The following TUBGCP6 variants were observed in gnomAD, a reference collection of about 807,000 sequenced individuals.
The protein encoded by TUBGCP6 is tubulin gamma complex component 6.
A neutral mutation model predicts 175.8 loss-of-function variants in TUBGCP6; 161 were observed. The observed-to-expected ratio is 0.92, with a 90% CI of 0.81 to 1.04. The LOEUF (loss-of-function observed/expected upper bound fraction) is 1.04, where lower values mean the gene tolerates loss of function less well. Among genes scored for constraint, TUBGCP6 ranks in the 50% least tolerant of loss-of-function variants. TUBGCP6 has a pLI of 0.00. For missense variants in TUBGCP6, 2,572 were observed against 2,433.0 expected, an observed-to-expected ratio of 1.06 and a Z score of -1.20; for synonymous variants, 1,173 against 1,030.5, an observed-to-expected ratio of 1.14 and a Z score of -2.65.
chr22:50,218,186 C>CT lies in TUBGCP6; in HGVS notation c.5168+2_5168+3insA. ...AGGGACGCAGCCGCTGCCCAGGCCT[C>CT]ACCTGAAGACGGCCTTGTGCAGGTA... On this transcript the variant is annotated splice_region_variant and intron_variant, in intron 23 of 24. Transcript: ENST00000248846. The CT allele has an allele frequency of 1.2e-6, 2 of 1,611,500 alleles. No individual in the cohort carries two copies. The highest frequency in any genetic ancestry group is 8.5e-7 in the Non-Finnish European group (1 of 1,179,580).
chr22:50,227,808 G>A (rs2064634798), intron 5 of TUBGCP6, 99 bp downstream of exon 5: 1 of 1,478,906 alleles, frequency 6.8e-7, no homozygotes, highest in Non-Finnish European at 9.1e-7. Flanking sequence ...TGTTCTCACA[G>A]GCCCTCCTTG....
intron 2 of TUBGCP6, among the ~76,000 whole-genome samples, chr22:50,234,686 C>CAG: frequency 6.9e-6 from 1 of 145,090 alleles, no homozygotes; most frequent in African/African-American, 2.6e-5. Context: ...AGCATCTACA[C>CAG]CCAGGTCCAC....
chr22:50,226,399 G>C (rs369221133), intron 7 of TUBGCP6, 21 bp from the exon 8 acceptor site: 2 of 1,582,822 alleles, frequency 1.3e-6, no homozygotes, highest in Non-Finnish European at 1.7e-6. Context: ...GGAAAAGCAG[G>C]GGTAGATGTG....
rs751897821 is a variant in TUBGCP6 at position 50,221,270 on chromosome 22, G to A, written c.3089C>T (p.Ser1030Leu). ...QPTERLFGQV[S>L]GGGLPTGDYA... ...GTCCCCTGTGGGAAGACCACCCCCT[G>A]ACACCTGCCCAAAGAGCCGCTCTGT... is the stretch of plus-strand genomic sequence containing the variant. Residue 1030 changes from serine to leucine, a missense_variant, in exon 16 of 25, where the codon TCA becomes TTA. Transcript: ENST00000248846. 2.9e-5 allele frequency: 47 copies of A among 1,614,016 alleles called. No individual in the cohort carries two copies. Among genetic ancestry groups the A allele is most frequent in the East Asian group, 1.3e-4 (6 of 44,886 alleles).
intron 2 of TUBGCP6, among the ~76,000 whole-genome samples, chr22:50,238,853 C>CT (rs2064807979): frequency 6.6e-6 from 1 of 152,208 alleles, no homozygotes. Flanking sequence ...ATGAGATTTG[C>CT]TTTGACTGAT....
chr22:50,221,457 C>T lies in TUBGCP6; in HGVS notation c.2902G>A (p.Gly968Arg). The T allele has an allele frequency of 6.3e-7, 1 of 1,594,626 alleles. No homozygotes were observed. Among genetic ancestry groups the T allele is most frequent in the East Asian group, 2.3e-5 (1 of 43,996 alleles). ...CTGCACTCTGCAGCCTGCAGGGGCC[C>T]TGGTGCAGGTGAGGTGGCCACAGCT... The part of the protein sequence containing the change: ...RPAVATSPAP[G>R]PLQAAECSLG... Residue 968 changes from glycine (G) to arginine (R), a missense_variant, in exon 16 of 25, where the codon GGG (glycine) becomes AGG (arginine). Physicochemically the swap from Gly to Arg is moderately radical, Grantham distance 125. Coordinates refer to ENST00000248846, the MANE Select transcript of TUBGCP6 (RefSeq NM_020461.4).
chr22:50,219,876 G>A, intron 17 of TUBGCP6, 81 bp downstream of exon 17: 1 of 1,603,878 alleles, frequency 6.2e-7, no homozygotes, highest in Non-Finnish European at 8.5e-7. Context: ...AAAATCGCAT[G>A]TGGGACCCAC....
intron 3 of TUBGCP6, among the ~76,000 whole-genome samples, chr22:50,232,673 G>A (rs1465652953): frequency 6.6e-6 from 1 of 152,264 alleles, no homozygotes; most frequent in East Asian, 1.9e-4. Context: ...GCAGCAGCTG[G>A]AGCTTGCTGG....
At chr22:50,227,790 C>T (rs1034591077) in intron 5 of TUBGCP6, 117 bp downstream of exon 5, 14 of 1,421,970 alleles carry the variant, frequency 9.8e-6, no homozygotes, top group Middle Eastern at 2.5e-4. Context: ...CGGTCGCCTG[C>T]TGAGGGCTGT....
At position 50,224,270 on chromosome 22, in the gene TUBGCP6, A is replaced by G; in HGVS notation, c.2155-14T>C. Reference sequence around the variant, plus strand: ...CGCCTGGCGTCGCTATAAAACACATAGAGCCTGGCCTGTGAAATCAGAACT... The same window carrying G: ...CGCCTGGCGTCGCTATAAAACACATGGAGCCTGGCCTGTGAAATCAGAACT... On this transcript the variant is annotated splice_polypyrimidine_tract_variant and intron_variant, in intron 12 of 24. Coordinates refer to ENST00000248846, the MANE Select transcript of TUBGCP6 (RefSeq NM_020461.4). 1 of 1,614,200 alleles carries G rather than the reference A, an allele frequency of 6.2e-7. No individual in the cohort carries two copies. The highest frequency in any genetic ancestry group is 8.5e-7 in the Non-Finnish European group (1 of 1,180,040).
chr22:50,235,212 C>T (rs1414841879), intron 2 of TUBGCP6, among the ~76,000 whole-genome samples: 6 of 152,132 alleles, frequency 3.9e-5, no homozygotes, highest in South Asian at 2.1e-4. Context: ...TCCCTGTCCA[C>T]GGCAGCATCA....
Position 50,217,990 on chromosome 22 carries a change from C to G in TUBGCP6, c.5296G>C (p.Glu1766Gln), listed in dbSNP as rs748989083. The change falls in exon 24 of 25, where the codon GAG (glutamate) becomes CAG (glutamine). Residue 1766 changes from glutamate (E) to glutamine (Q), a missense_variant. Transcript: ENST00000248846. ...WGPPGGPRGA[E>Q]HPNFALMQQS... ...TGCATGAGTGCAAAGTTGGGGTGCT[C>G]TGCACCCCGCGGGCCCCCAGGGGGC... 1 of 1,611,434 alleles carries G rather than the reference C, an allele frequency of 6.2e-7. No homozygotes were observed. Among genetic ancestry groups the G allele is most frequent in the African/African-American group, 1.3e-5 (1 of 74,854 alleles).
intron 21 of TUBGCP6, 24 bp downstream of exon 21, chr22:50,218,679 C>T: frequency 6.2e-6 from 10 of 1,613,414 alleles, no homozygotes; most frequent in Non-Finnish European, 8.5e-6. Context: ...TGTCCCATCC[C>T]CCGCGGCCAG....
Position 50,218,484 on chromosome 22 carries a change from T to A in TUBGCP6, c.4954+4A>T. 6.2e-7 allele frequency: 1 copy of A among 1,613,380 alleles called. No homozygotes were observed. Among genetic ancestry groups the A allele is most frequent in the Non-Finnish European group, 8.5e-7 (1 of 1,179,926 alleles). ...CGGGGCGCCGGGCTCCAGCGGGGCC[T>A]CACCTGTGCGCTTGAGGTGGAAGCA... On this transcript the variant is annotated splice_donor_region_variant and intron_variant, in intron 22 of 24. Coordinates refer to ENST00000248846, the MANE Select transcript of TUBGCP6 (RefSeq NM_020461.4).
At position 50,243,985 on chromosome 22, in the gene TUBGCP6, C is replaced by G; in HGVS notation, c.475G>C (p.Asp159His). 1 of 1,614,176 alleles carries G rather than the reference C, an allele frequency of 6.2e-7. No homozygotes were observed. Among genetic ancestry groups the G allele is most frequent in the South Asian group, 1.1e-5 (1 of 91,086 alleles). ...DCDDLSVFEM[D>H]VQSLISREEC... is the part of the protein sequence containing the mutation. Reference sequence around the variant, plus strand: ...TCTCTGGAGATCAGAGACTGAACGTCCATCTCAAACACACTCAGGTCGTCG... The same window carrying G: ...TCTCTGGAGATCAGAGACTGAACGTGCATCTCAAACACACTCAGGTCGTCG... Residue 159 changes from aspartate (D) to histidine (H), a missense_variant, in exon 1 of 25, where the codon GAC (aspartate) becomes CAC (histidine). Coordinates refer to ENST00000248846, the MANE Select transcript of TUBGCP6 (RefSeq NM_020461.4).
Position 50,218,866 on chromosome 22 carries a change from A to G in TUBGCP6, c.4658T>C (p.Leu1553Pro). ...CACAGAGTTCAGCACCAGCGGGTTG[A>G]GCAGCTCTCCGGGCGTTTGCCCAGC... ...LGAGQTPGELLNPLVLNSVLS... is the reference protein window; with the variant it reads ...LGAGQTPGELPNPLVLNSVLS... The change falls in exon 21 of 25, where the codon CTC becomes CCC. Residue 1553 changes from leucine (L) to proline (P), a missense_variant. By Grantham distance (98) the Leu-to-Pro change is moderately conservative (BLOSUM62 -3). Transcript: ENST00000248846. The G allele has an allele frequency of 6.2e-7, 1 of 1,613,446 alleles. No homozygotes were observed. Among genetic ancestry groups the G allele is most frequent in the Non-Finnish European group, 8.5e-7 (1 of 1,179,672 alleles).
At position 50,226,306 on chromosome 22, in the gene TUBGCP6, G is replaced by C. The variant is rs199698450; in HGVS notation, c.1674C>G (p.His558Gln). Residue 558 changes from histidine to glutamine, a missense_variant, in exon 8 of 25, where the codon CAC (histidine) becomes CAG (glutamine). By Grantham distance (24) the His-to-Gln change is conservative. Transcript: ENST00000248846. ...AYGEFMIQVNHEYLSFRDKLY... is the reference protein window; with the variant it reads ...AYGEFMIQVNQEYLSFRDKLY... Reference sequence around the variant, plus strand: ...ACCTACCTCGGAAGCTGAGGTACTCGTGGTTCACCTGAATCATGAACTCGC... The same window carrying C: ...ACCTACCTCGGAAGCTGAGGTACTCCTGGTTCACCTGAATCATGAACTCGC... 1.9e-6 allele frequency: 3 copies of C among 1,613,914 alleles called. No homozygotes were observed. In the South Asian group the frequency reaches 3.3e-5, roughly 18 times the overall value.
chr22:50,236,169 T>C (rs2064776567), intron 2 of TUBGCP6, among the ~76,000 whole-genome samples: 1 of 151,746 alleles, frequency 6.6e-6, no homozygotes, highest in South Asian at 2.1e-4. Context: ...GGAGTCTCGC[T>C]CTGTCACCCA....
rs2064439749 is a variant in TUBGCP6 at position 50,217,783 on chromosome 22, C to T, written c.5413G>A (p.Asp1805Asn). 2 of 1,614,106 alleles carry T rather than the reference C, an allele frequency of 1.2e-6. No individual in the cohort carries two copies. Among genetic ancestry groups the T allele is most frequent in the Non-Finnish European group, 1.7e-6 (2 of 1,180,024 alleles). ...VNRGYQPHLE[D>N]FLLRINFNNY... ...TTGAAGTTGATGCGCAGCAGAAAGT[C>T]CTCCAGGTGGGGCTGGTAGCCGCGG... The change falls in exon 25 of 25, where the codon GAC (aspartate) becomes AAC (asparagine). Residue 1805 changes from aspartate (D) to asparagine (N), a missense_variant. By Grantham distance (23) the Asp-to-Asn change is conservative (BLOSUM62 1). Transcript: ENST00000248846.
Sources: gnomAD v4.1 joint callset for allele counts (sites outside exome capture counted in the v4.1 genomes callset) on GRCh38, gnomAD v4.1.1 for gene constraint, MANE v1.5 for transcripts, NCBI Gene and HGNC (gene_info 2026-07-23, HGNC 2026-07-21) for gene names.